STK32C: variants seen among roughly 807,000 people sequenced by gnomAD.
The protein encoded by STK32C is serine/threonine-protein kinase 32C.
STK32C carries 31 observed loss-of-function variants against 56.5 expected under a neutral mutation model. That is an observed-to-expected ratio of 0.55 (90% confidence interval 0.41 to 0.74). The LOEUF is 0.74. STK32C is among the 30% of genes least tolerant of loss of function. The pLI, the probability that STK32C is intolerant of heterozygous loss-of-function variation, is 0.00. For missense variants in STK32C, 544 were observed against 676.9 expected (o/e 0.80, Z 2.18); for synonymous variants, 309 against 289.4 (o/e 1.07, Z -0.69).
At chr10:132,244,492 G>C (rs970928972) in intron 2 of STK32C, among the ~76,000 whole-genome samples, 6 of 152,186 alleles carry the variant, frequency 3.9e-5, no homozygotes, top group Non-Finnish European at 5.9e-5. Flanking sequence ...GCAATGGGGA[G>C]ATGCTGGGGG....
chr10:132,227,296 G>C (rs1337225034), intron 3 of STK32C, among the ~76,000 whole-genome samples: 1 of 152,260 alleles, frequency 6.6e-6, no homozygotes, highest in East Asian at 1.9e-4. Context: ...GGTAAAATGG[G>C]GATACAGACA....
intron 2 of STK32C, among the ~76,000 whole-genome samples, chr10:132,234,759 G>T (rs2063217121): frequency 6.6e-6 from 1 of 152,234 alleles, no homozygotes; most frequent in Non-Finnish European, 1.5e-5. Flanking sequence ...GAGCTGCTGG[G>T]GGGGCCTTGG....
upstream of STK32C, among the ~76,000 whole-genome samples, chr10:132,308,333 G>A (rs2066149444): frequency 6.6e-6 from 1 of 152,170 alleles, no homozygotes; most frequent in Non-Finnish European, 1.5e-5. Context: ...GCTGTGCCCG[G>A]CACGGCGGCG....
At chr10:132,288,932 CT>C (rs2065490646) in intron 1 of STK32C, among the ~76,000 whole-genome samples, 1 of 152,100 alleles carries the variant, frequency 6.6e-6, no homozygotes, top group African/African-American at 2.4e-5. Context: ...TGGCAGGCTT[CT>C]GTACATATAA....
At chr10:132,231,284 G>A (rs927333049) in intron 2 of STK32C, among the ~76,000 whole-genome samples, 2 of 81,654 alleles carry the variant, frequency 2.4e-5, no homozygotes, top group African/African-American at 6.7e-5. Flanking sequence ...CCCCACCTGG[G>A]AAACAAACTG....
chr10:132,257,287 A>G (rs2064155576), intron 1 of STK32C, among the ~76,000 whole-genome samples: 1 of 152,032 alleles, frequency 6.6e-6, no homozygotes, highest in South Asian at 2.1e-4. Flanking sequence ...CTGTCCTTCC[A>G]TCCTCCCACC....
At chr10:132,331,634 C>A (rs7080014) in exon 1 of STK32C, 1 of 1,612,306 alleles carries the variant, frequency 6.2e-7, no homozygotes. Flanking sequence ...CAGCGAGGAC[C>A]GCTCCAAAGG....
intron 10 of STK32C, among the ~76,000 whole-genome samples, chr10:132,210,670 C>A (rs948534227): frequency 6.6e-6 from 1 of 152,256 alleles, no homozygotes; most frequent in Admixed American, 6.5e-5. Context: ...GATTTGCTGA[C>A]GTGCGTCACA....
chr10:132,260,551 G>A (rs1415295943), intron 1 of STK32C, among the ~76,000 whole-genome samples: 1 of 152,216 alleles, frequency 6.6e-6, no homozygotes, highest in Non-Finnish European at 1.5e-5. Context: ...GTGTTGCAGG[G>A]GGCTGCTTCC....
intron 2 of STK32C, among the ~76,000 whole-genome samples, chr10:132,230,857 G>T (rs994300810): frequency 6.6e-6 from 1 of 152,208 alleles, no homozygotes; most frequent in Non-Finnish European, 1.5e-5. Flanking sequence ...TCCTGCTCAC[G>T]ATGCAGCTCA....
intron 3 of STK32C, 60 bp from the exon 4 acceptor site, chr10:132,227,028 C>A: frequency 6.3e-7 from 1 of 1,579,984 alleles, no homozygotes; most frequent in Non-Finnish European, 8.6e-7. Flanking sequence ...CATGGCTGCT[C>A]CCACAGCTGA....
At chr10:132,224,016 C>T (rs573807600) in intron 8 of STK32C, among the ~76,000 whole-genome samples, 46 of 152,304 alleles carry the variant, frequency 3.0e-4, no homozygotes, top group Non-Finnish European at 5.3e-4. Context: ...CAAAGGGTCC[C>T]GGAGATAGCA....
intron 1 of STK32C, among the ~76,000 whole-genome samples, chr10:132,278,252 ACACATGCCATGCCCCG>A (rs971292579): frequency 6.6e-6 from 1 of 152,024 alleles, no homozygotes; most frequent in African/African-American, 2.4e-5. Flanking sequence ...GCAAAGACCC[ACACATGCCATGCCCCG>A]CACATGCCAT....
chr10:132,307,978 C>A (rs1347856568), upstream of STK32C: 3 of 888,364 alleles, frequency 3.4e-6, no homozygotes, highest in South Asian at 5.2e-5. This position sits in a 1 kb window ranked among gnomAD's most constrained non-coding sequence, Gnocchi z 4.4. Flanking sequence ...CCGTAGATTG[C>A]GAGCGCTGGG....
At chr10:132,287,153 C>T (rs1217304247) in intron 1 of STK32C, among the ~76,000 whole-genome samples, 2 of 152,046 alleles carry the variant, frequency 1.3e-5, no homozygotes, top group Admixed American at 6.6e-5. Context: ...AAATTAAAGA[C>T]GACCAAAATA....
At chr10:132,317,090 A>G (rs921111858) in intron 1 of STK32C, among the ~76,000 whole-genome samples, 1 of 152,182 alleles carries the variant, frequency 6.6e-6, no homozygotes, top group Admixed American at 6.5e-5. Flanking sequence ...AACTCAGATA[A>G]AATGGAGAAA....
At position 132,224,556 on chromosome 10, in the gene STK32C, T is replaced by G. The variant is rs377648670; in HGVS notation, c.877-33A>C. The G allele has an allele frequency of 2.4e-5, 37 of 1,514,946 alleles. No homozygotes were observed. In the African/African-American group the frequency reaches 4.1e-4, roughly 17 times the overall value. The allele number at this position is 1,514,946 out of a possible 1,614,324, so 93.8% of individuals were successfully genotyped here. A position where few individuals can be genotyped will look rare whatever the true frequency, so the allele number is the denominator to read the frequency against. On this transcript the variant is annotated intron_variant, in intron 7 of 11. Transcript: ENST00000298630. ...CAGGGAGGCAGTGCTGGGCAGGTCC[T>G]CCTGGCCCCCAGGACACCCAGAACA...
At chr10:132,243,405 C>A (rs188434616) in intron 2 of STK32C, among the ~76,000 whole-genome samples, 33 of 152,148 alleles carry the variant, frequency 2.2e-4, no homozygotes, top group African/African-American at 7.9e-4. Context: ...GGAGAGTGGG[C>A]TGGACGGAAG....
At chr10:132,293,689 T>C (rs1336848058) in intron 1 of STK32C, among the ~76,000 whole-genome samples, 1 of 150,674 alleles carries the variant, frequency 6.6e-6, no homozygotes, top group Non-Finnish European at 1.5e-5. Flanking sequence ...AGAGTGGGGG[T>C]GGGGAGATCA....
Sources: allele counts gnomAD v4.1 joint callset (sites outside exome capture counted in the v4.1 genomes callset), GRCh38; gene constraint gnomAD v4.1.1; non-coding constraint Gnocchi (gnomAD v3.1); transcripts MANE v1.5; gene names NCBI Gene and HGNC (gene_info 2026-07-23, HGNC 2026-07-21).